Variants in CTNND1 observed in about 807,000 individuals in gnomAD.
CTNND1 encodes the protein catenin delta-1.
In CTNND1, 16 loss-of-function variants were observed where a neutral mutation model predicts 112.1. The ratio of observed to expected loss-of-function variants is 0.14; its 90% confidence interval spans 0.10 to 0.22. The LOEUF (loss-of-function observed/expected upper bound fraction) is 0.22. CTNND1 is among the 10% of genes least tolerant of loss of function. CTNND1 has a pLI of 1.00. For synonymous variants in CTNND1, 420 were observed against 446.5 expected (o/e 0.94, Z 0.75); for missense variants, 1,008 against 1,257.0 (o/e 0.80, Z 3.00).
chr11:57,782,219 C>T (rs1207867499), intron 1 of CTNND1, among the ~76,000 whole-genome samples: 7 of 152,060 alleles, frequency 4.6e-5, no homozygotes, highest in African/African-American at 7.2e-5. Flanking sequence ...TTTTCTCTGA[C>T]GTTCCAATCA....
intron 1 of CTNND1, among the ~76,000 whole-genome samples, chr11:57,762,351 G>T (rs1950042479): frequency 6.6e-6 from 1 of 152,058 alleles, no homozygotes; most frequent in African/African-American, 2.4e-5. Flanking sequence ...ACATTTTGGT[G>T]TGTTCTTTGA....
At chr11:57,801,198 T>G (rs1198260996) in intron 6 of CTNND1, among the ~76,000 whole-genome samples, 1 of 152,214 alleles carries the variant, frequency 6.6e-6, no homozygotes, top group Non-Finnish European at 1.5e-5. Context: ...TTTTATAATT[T>G]CCAAAATAGG....
chr11:57,804,356 G>A (rs1030431519), intron 8 of CTNND1, among the ~76,000 whole-genome samples: 9 of 151,762 alleles, frequency 5.9e-5, no homozygotes, highest in African/African-American at 2.2e-4. Flanking sequence ...TCTCTCTTTG[G>A]AATACACCTC....
chr11:57,793,428 C>T (rs1023972519), intron 3 of CTNND1, among the ~76,000 whole-genome samples: 11 of 152,212 alleles, frequency 7.2e-5, no homozygotes, highest in African/African-American at 1.9e-4. Flanking sequence ...AAGGGAGACT[C>T]GTATCTCTTG....
intron 19 of CTNND1, 75 bp downstream of exon 19, chr11:57,815,575 A>G (rs748153722): frequency 1.6e-6 from 2 of 1,227,218 alleles, no homozygotes; most frequent in South Asian, 1.2e-5. Flanking sequence ...GTGAAACACA[A>G]AAAAAAGTAC....
At chr11:57,806,153 C>A in intron 10 of CTNND1, 118 bp downstream of exon 10, 1 of 1,350,334 alleles carries the variant, frequency 7.4e-7, no homozygotes, top group Non-Finnish European at 9.9e-7. Flanking sequence ...TTATGGATGT[C>A]TTTTTGGTTT....
At chr11:57,770,748 C>T (rs1952379859) in intron 1 of CTNND1, among the ~76,000 whole-genome samples, 1 of 152,126 alleles carries the variant, frequency 6.6e-6, no homozygotes, top group South Asian at 2.1e-4. Context: ...TGGTTGAGGA[C>T]ATAAGACATT....
At chr11:57,767,128 C>A (rs569357014) in intron 1 of CTNND1, among the ~76,000 whole-genome samples, 2 of 152,098 alleles carry the variant, frequency 1.3e-5, no homozygotes, top group African/African-American at 4.8e-5. Context: ...CGCGCCACCA[C>A]GCCCTGCTAA....
Position 57,815,455 on chromosome 11 carries a change from GGAT to G in CTNND1, c.2764_2766del (p.Asp922del). The stretch of plus-strand genomic sequence containing the variant: ...ACAATAGAACACTGGATCGATCGGG[GGAT>G]CTAGGCGACATGGAGCCATTGAAGG... On this transcript the variant is annotated inframe_deletion, in exon 19 of 21. Transcript: ENST00000399050. 6.2e-7 allele frequency: 1 copy of G among 1,612,790 alleles called. No homozygotes were observed. The highest frequency in any genetic ancestry group is 8.5e-7 in the Non-Finnish European group (1 of 1,179,410).
chr11:57,815,671 T>C (rs770592080), intron 19 of CTNND1, 171 bp downstream of exon 19: 3 of 798,146 alleles, frequency 3.8e-6, no homozygotes, highest in Non-Finnish European at 6.7e-6. Context: ...GGGCCGTTAT[T>C]CTGCAGTGGT....
chr11:57,806,617 T>A lies in CTNND1; in HGVS notation c.1894+139T>A, dbSNP rs11570209. On this transcript the variant is annotated intron_variant, in intron 11 of 20. Coordinates refer to ENST00000399050, the MANE Select transcript of CTNND1 (RefSeq NM_001085458.2). ...GTTGAGGAAGACACTGAAACAAGTT[T>A]AGCTCTTTGGAGCTAATAGCTCACG... The A allele has an allele frequency of 3.5e-3, 2,780 of 795,892 alleles. 9 individuals are homozygous for A. The highest frequency in any genetic ancestry group is 4.7e-3 in the Non-Finnish European group (2,267 of 482,390). 49.3% of individuals were successfully genotyped at this position (795,892 alleles called of 1,614,324 possible).
In CTNND1 at chr11:57,816,464, A is replaced by G. The variant is rs1489308395; in HGVS notation, c.*156A>G. On this transcript the variant is annotated 3_prime_UTR_variant, in exon 21 of 21. Coordinates refer to ENST00000399050, the MANE Select transcript of CTNND1 (RefSeq NM_001085458.2). ...CTAAGTGGCTGCCTTCTTTCCATCA[A>G]CTCCCAACTTCTTCCTGTGAAGTTT... is the stretch of plus-strand genomic sequence containing the variant. 36 of 794,654 alleles carry G rather than the reference A, an allele frequency of 4.5e-5. No homozygotes were observed. In the South Asian group the frequency reaches 5.6e-4, roughly 12 times the overall value. The allele number at this position is 794,654 out of a possible 1,614,324, so 49.2% of individuals were successfully genotyped here.
At chr11:57,813,772 C>A (rs1388560684) in intron 17 of CTNND1, 2 of 152,136 alleles carry the variant, frequency 1.3e-5, no homozygotes, top group Non-Finnish European at 2.9e-5. Flanking sequence ...GTATGAGAAT[C>A]TAAGCCAAAT....
At chr11:57,807,650 C>G (rs369037376) in intron 12 of CTNND1, among the ~76,000 whole-genome samples, 1 of 140,814 alleles carries the variant, frequency 7.1e-6, no homozygotes, top group East Asian at 2.1e-4. Context: ...ACTTTTTGTA[C>G]TTTACTAAAA....
chr11:57,803,850 T>G, intron 8 of CTNND1, 46 bp downstream of exon 8: 2 of 1,347,436 alleles, frequency 1.5e-6, no homozygotes, highest in Non-Finnish European at 2.0e-6. Flanking sequence ...TTTTGAGGAC[T>G]GACTTAAATT....
Position 57,791,551 on chromosome 11 carries a change from A to G in CTNND1, c.73A>G (p.Lys25Glu), listed in dbSNP as rs2060747399. 1.2e-6 allele frequency: 2 copies of G among 1,609,892 alleles called. No individual in the cohort carries two copies. The highest frequency in any genetic ancestry group is 1.3e-5 in the African/African-American group (1 of 74,686). The change falls in exon 3 of 21, where the codon AAG (lysine) becomes GAG (glutamate). Residue 25 changes from lysine to glutamate, a missense_variant. Lys to Glu is a moderately conservative substitution (Grantham distance 56). This residue lies in a region of CTNND1 where 404 missense variants were observed against 457.9 expected (regional missense o/e 0.88). Coordinates refer to ENST00000399050, the MANE Select transcript of CTNND1 (RefSeq NM_001085458.2). ...GAAGGAACAAGAGGCCCAGTTTGAGAAGCTGACCCGGGCGCTGGAGGAGGA... is the reference window on the plus strand; with the variant it reads ...GAAGGAACAAGAGGCCCAGTTTGAGGAGCTGACCCGGGCGCTGGAGGAGGA... The part of the protein sequence containing the change: ...SVKEQEAQFE[K>E]LTRALEEERR...
At chr11:57,797,560 G>T (rs1204767386) in intron 6 of CTNND1, among the ~76,000 whole-genome samples, 1 of 132,312 alleles carries the variant, frequency 7.6e-6, no homozygotes, top group Non-Finnish European at 1.6e-5. Flanking sequence ...TTGAATATAT[G>T]GGCCAGGCGC....
chr11:57,807,376 C>T (rs1387310839), intron 12 of CTNND1, among the ~76,000 whole-genome samples: 5 of 151,994 alleles, frequency 3.3e-5, no homozygotes, highest in African/African-American at 9.7e-5. Context: ...GAGGCCGAGG[C>T]GGGCAGATCA....
chr11:57,782,527 T>C (rs1337908033), intron 1 of CTNND1, among the ~76,000 whole-genome samples: 2 of 152,060 alleles, frequency 1.3e-5, no homozygotes, highest in Non-Finnish European at 2.9e-5. Context: ...GAACAAAAAA[T>C]GGAAGTGAGG....
Sources: allele counts gnomAD v4.1 joint callset (sites outside exome capture counted in the v4.1 genomes callset), GRCh38; gene constraint gnomAD v4.1.1; regional missense constraint gnomAD v4.1.1; transcripts MANE v1.5; gene names NCBI Gene and HGNC (gene_info 2026-07-23, HGNC 2026-07-21).